ITGAE: variants seen among roughly 807,000 people sequenced by gnomAD.
The protein encoded by ITGAE is integrin alpha-E.
ITGAE carries 99 observed loss-of-function variants against 136.5 expected under a neutral mutation model. The ratio of observed to expected loss-of-function variants is 0.73; its 90% CI spans 0.62 to 0.86. ITGAE has a LOEUF of 0.86. ITGAE is among the 40% of genes least tolerant of loss of function. The pLI is 0.00. For missense variants in ITGAE, 1,447 were observed against 1,515.3 expected, an observed-to-expected ratio of 0.95 and a Z score of 0.75; for synonymous variants, 613 against 591.8, an observed-to-expected ratio of 1.04 and a Z score of -0.52.
chr17:3,766,013 G>A (rs1242222712), intron 2 of ITGAE, among the ~76,000 whole-genome samples: 5 of 152,144 alleles, frequency 3.3e-5, no homozygotes, highest in Non-Finnish European at 7.4e-5. Context: ...AAGGGACTTC[G>A]TAGATGTGAG....
intron 28 of ITGAE, chr17:3,720,720 T>C (rs1008933294): frequency 4.9e-6 from 1 of 202,848 alleles, no homozygotes; most frequent in African/African-American, 2.4e-5. Flanking sequence ...GTAGCTGGAA[T>C]TATGGGCATG....
At position 3,751,709 on chromosome 17, in the gene ITGAE, A is replaced by G; in HGVS notation, c.1834T>C (p.Phe612Leu). The G allele has an allele frequency of 6.2e-7, 1 of 1,614,030 alleles. No individual in the cohort carries two copies. The highest frequency in any genetic ancestry group is 8.5e-7 in the Non-Finnish European group (1 of 1,179,964). The change falls in exon 15 of 31, where the codon TTC becomes CTC. Residue 612 changes from phenylalanine to leucine, a missense_variant. Phe to Leu is a conservative substitution (Grantham distance 22). Coordinates refer to ENST00000263087, the MANE Select transcript of ITGAE (RefSeq NM_002208.5). ...CCATTGTAGATATACACACTGCCGAAGCTGGCACCATCATCTGCCCCAAAA... is the reference window on the plus strand; with the variant it reads ...CCATTGTAGATATACACACTGCCGAGGCTGGCACCATCATCTGCCCCAAAA... ...EGFGADDGAS[F>L]GSVYIYNGHW...
At chr17:3,776,715 GC>G (rs2052548967) in intron 2 of ITGAE, among the ~76,000 whole-genome samples, 1 of 151,436 alleles carries the variant, frequency 6.6e-6, no homozygotes, top group Non-Finnish European at 1.5e-5. Flanking sequence ...GCACCACCAT[GC>G]CCAGACAGTT....
chr17:3,749,913 G>A (rs561737320), intron 16 of ITGAE, among the ~76,000 whole-genome samples: 49 of 152,236 alleles, frequency 3.2e-4, no homozygotes, highest in Middle Eastern at 6.8e-3. Context: ...CTCCTCAGGA[G>A]GCTGAGGCAG....
chr17:3,744,731 G>A (rs946600450), intron 18 of ITGAE, among the ~76,000 whole-genome samples: 6 of 152,160 alleles, frequency 3.9e-5, no homozygotes, highest in Admixed American at 3.9e-4. Context: ...TTAGAGGCGT[G>A]AGCCACTGCG....
intron 2 of ITGAE, among the ~76,000 whole-genome samples, chr17:3,773,083 G>A (rs1481860809): frequency 2.6e-5 from 4 of 152,176 alleles, no homozygotes; most frequent in Non-Finnish European, 5.9e-5. Context: ...TTTCACCTGT[G>A]CTTTCGACCA....
chr17:3,717,003 TA>T, intron 29 of ITGAE: 1 of 495,596 alleles, frequency 2.0e-6, no homozygotes, highest in Non-Finnish European at 3.6e-6. Flanking sequence ...AAATACTTCG[TA>T]AGAAACTATT....
At position 3,723,742 on chromosome 17, in the gene ITGAE, G is replaced by A. The variant is rs763598742; in HGVS notation, c.3087C>T (p.Ala1029=). 4 of 1,607,164 alleles carry A rather than the reference G, an allele frequency of 2.5e-6. No individual in the cohort carries two copies. The highest frequency in any genetic ancestry group is 1.3e-5 in the African/African-American group (1 of 74,806). The stretch of plus-strand genomic sequence containing the variant: ...CCTGACTCCAGGTGCACACCGTGGA[G>A]GCCTGAAACGAGAGCCATGACCGCG... ...VAVKKLTRTQ[A]STVCTWSQER... Residue 1029 remains alanine (A), a splice_region_variant and synonymous_variant, in exon 27 of 31, where the codon GCC becomes GCT. Coordinates refer to ENST00000263087, the MANE Select transcript of ITGAE (RefSeq NM_002208.5).
At chr17:3,750,092 C>T (rs1384211605) in intron 16 of ITGAE, among the ~76,000 whole-genome samples, 3 of 152,188 alleles carry the variant, frequency 2.0e-5, no homozygotes, top group Admixed American at 6.5e-5. Flanking sequence ...TGTATATATT[C>T]GCTTGCATGA....
At position 3,731,193 on chromosome 17, in the gene ITGAE, AG is replaced by A. The variant is rs2051333767; in HGVS notation, c.2755-11del. The A allele has an allele frequency of 6.2e-7, 1 of 1,611,674 alleles. No homozygotes were observed. The highest frequency in any genetic ancestry group is 1.3e-5 in the African/African-American group (1 of 74,844). On this transcript the variant is annotated splice_polypyrimidine_tract_variant and intron_variant, in intron 22 of 30. Coordinates refer to ENST00000263087, the MANE Select transcript of ITGAE (RefSeq NM_002208.5). Reference sequence around the variant, plus strand: ...CGACTGAAACATGAGCCTATTTTAAAGGGGGAAAAATGGTCAGTTGATTCTC... The same window carrying A: ...CGACTGAAACATGAGCCTATTTTAAAGGGGAAAAATGGTCAGTTGATTCTC...
chr17:3,748,549 G>A (rs971385573), intron 16 of ITGAE, among the ~76,000 whole-genome samples: 1 of 152,088 alleles, frequency 6.6e-6, no homozygotes, highest in Non-Finnish European at 1.5e-5. Flanking sequence ...ATCCTGCCAC[G>A]GCACTCCAGC....
At chr17:3,747,603 C>T (rs1398873469) in intron 17 of ITGAE, among the ~76,000 whole-genome samples, 1 of 152,190 alleles carries the variant, frequency 6.6e-6, no homozygotes, top group Non-Finnish European at 1.5e-5. Context: ...GCCACCGCGC[C>T]CGGCCTTCTG....
At position 3,757,071 on chromosome 17, in the gene ITGAE, C is replaced by G. The variant is rs1410433625; in HGVS notation, c.1084G>C (p.Asp362His). The G allele has an allele frequency of 1.9e-6, 3 of 1,614,182 alleles. No individual in the cohort carries two copies. The highest frequency in any genetic ancestry group is 1.1e-5 in the South Asian group (1 of 91,086). Reference protein sequence around the residue: ...RELNLIASDPDETHAFKVTNY... With the variant: ...RELNLIASDPHETHAFKVTNY... Reference sequence around the variant, plus strand: ...GTCACCTTGAAAGCATGGGTCTCATCCGGGTCTGAGGCGATCAGGTTCAGT... The same window carrying G: ...GTCACCTTGAAAGCATGGGTCTCATGCGGGTCTGAGGCGATCAGGTTCAGT... The change falls in exon 10 of 31, where the codon GAT becomes CAT. Residue 362 changes from aspartate (D) to histidine (H), a missense_variant. Asp to His is a moderately conservative substitution (Grantham distance 81). Coordinates refer to ENST00000263087, the MANE Select transcript of ITGAE (RefSeq NM_002208.5).
At chr17:3,731,335 CTTTTTTTTTTT>C (rs78134599) in intron 22 of ITGAE, 152 bp from the exon 23 acceptor site, 78,999 of 393,128 alleles carry the variant, frequency 0.2, 3,331 homozygotes, top group Admixed American at 0.3. Context: ...CTTTCCCTTC[CTTTTTTTTTTT>C]TTTTTTTTTT....
rs220469 is a variant in ITGAE at position 3,733,701 on chromosome 17, A to T, written c.2655+1116T>A. On this transcript the variant is annotated intron_variant, in intron 21 of 30. Transcript: ENST00000263087. ...CTCCCAAAGTGCTGGGATTACAGGC[A>T]TGGGCCACTGCACCCATCCAAAAAC... 1.6e-3 allele frequency among the ~76,000 whole-genome samples: 250 copies of T among 152,312 alleles called. 2 individuals carry two copies. The highest frequency in any genetic ancestry group is 5.7e-3 in the African/African-American group (235 of 41,566).
rs866796657 is a variant in ITGAE at position 3,797,204 on chromosome 17, C to G, written c.34+3907G>C. ...TTTTTGAGACGGAGTCTCGCTCTGT[C>G]GCCCAGGCTGGAGTGCAGTGGCGCA... On this transcript the variant is annotated intron_variant, in intron 1 of 30. Coordinates refer to ENST00000263087, the MANE Select transcript of ITGAE (RefSeq NM_002208.5). Among the ~76,000 whole-genome samples, 64 of 136,626 alleles carry G rather than the reference C, an allele frequency of 4.7e-4. 1 individual carries two copies. The highest frequency in any genetic ancestry group is 2.2e-3 in the Admixed American group (28 of 12,936). 89.6% of individuals were successfully genotyped at this position (136,626 alleles called of 152,430 possible). A position where few individuals can be genotyped will look rare whatever the true frequency, so the allele number is the denominator to read the frequency against.
At chr17:3,770,441 T>C (rs2052393801) in intron 2 of ITGAE, among the ~76,000 whole-genome samples, 1 of 152,144 alleles carries the variant, frequency 6.6e-6, no homozygotes, top group Non-Finnish European at 1.5e-5. Flanking sequence ...TCAGGGTCTA[T>C]TTCCATGTCT....
chr17:3,790,230 G>C (rs2052904676), intron 1 of ITGAE, among the ~76,000 whole-genome samples: 1 of 152,200 alleles, frequency 6.6e-6, no homozygotes, highest in Non-Finnish European at 1.5e-5. Flanking sequence ...AGAAGGGCCA[G>C]GCACAGTGGC....
intron 1 of ITGAE, among the ~76,000 whole-genome samples, chr17:3,790,979 C>T (rs1011843820): frequency 6.6e-6 from 1 of 151,774 alleles, no homozygotes; most frequent in Non-Finnish European, 1.5e-5. Context: ...ACGGTGAAAC[C>T]CCTTCTCTAC....
Sources: gnomAD v4.1 joint callset for allele counts (sites outside exome capture counted in the v4.1 genomes callset) on GRCh38, gnomAD v4.1.1 for gene constraint, MANE v1.5 for transcripts, NCBI Gene and HGNC (gene_info 2026-07-23, HGNC 2026-07-21) for gene names.